Variants in LSM14A observed in about 807,000 individuals in gnomAD.
LSM14A encodes protein LSM14 homolog A.
A neutral mutation model predicts 52.4 loss-of-function variants in LSM14A; 14 were observed. The ratio of observed to expected loss-of-function variants is 0.27; its 90% confidence interval spans 0.18 to 0.42. The LOEUF (loss-of-function observed/expected upper bound fraction) is 0.42, where lower values mean the gene tolerates loss of function less well. Ranked by LOEUF, LSM14A falls within the 10% of genes least tolerant of loss-of-function variation. The pLI is 1.00. For missense variants in LSM14A, 417 were observed against 581.8 expected (o/e 0.72, Z 2.91); for synonymous variants, 185 against 200.3 (o/e 0.92, Z 0.64).
At chr19:34,209,118 G>A in intron 4 of LSM14A, 67 bp downstream of exon 4, 17 of 1,377,574 alleles carry the variant, frequency 1.2e-5, no homozygotes, top group South Asian at 3.2e-5. Context: ...CTTTCTGAAT[G>A]TAAGAGCTTT....
intron 1 of LSM14A, 33 bp from the exon 2 acceptor site, chr19:34,194,445 T>G: frequency 6.3e-7 from 1 of 1,582,576 alleles, no homozygotes; most frequent in Non-Finnish European, 8.7e-7. Flanking sequence ...TGATGAGTAG[T>G]CACACATCTC....
At chr19:34,194,861 A>G (rs973769620) in intron 2 of LSM14A, among the ~76,000 whole-genome samples, 29 of 152,226 alleles carry the variant, frequency 1.9e-4, no homozygotes, top group African/African-American at 6.5e-4. Flanking sequence ...AATATTTTCT[A>G]ATTTCAACAA....
chr19:34,176,230 T>C (rs2069081876), intron 1 of LSM14A, among the ~76,000 whole-genome samples: 1 of 152,208 alleles, frequency 6.6e-6, no homozygotes, highest in Non-Finnish European at 1.5e-5. Flanking sequence ...TTTTAAACTA[T>C]GGATTAAGAG....
At chr19:34,224,189 G>A (rs975251854) in intron 9 of LSM14A, among the ~76,000 whole-genome samples, 11 of 152,064 alleles carry the variant, frequency 7.2e-5, no homozygotes, top group Admixed American at 6.6e-4. Flanking sequence ...AAAATTAGCC[G>A]GGCGTGGTGG....
At chr19:34,210,638 T>C (rs2072070834) in intron 4 of LSM14A, among the ~76,000 whole-genome samples, 1 of 151,998 alleles carries the variant, frequency 6.6e-6, no homozygotes. Context: ...TCCTGCTCTG[T>C]CTCCCAGACT....
chr19:34,173,201 T>C (rs887730208), intron 1 of LSM14A, among the ~76,000 whole-genome samples: 23 of 152,224 alleles, frequency 1.5e-4, no homozygotes, highest in Non-Finnish European at 2.9e-4. Context: ...TTTCAATTCG[T>C]GGCGATCTTC....
intron 2 of LSM14A, among the ~76,000 whole-genome samples, 168 bp from the exon 3 acceptor site, chr19:34,196,466 A>C (rs1242538308): frequency 1.3e-5 from 2 of 152,248 alleles, no homozygotes; most frequent in Non-Finnish European, 2.9e-5. Context: ...CAGATACTGA[A>C]ATCAAAAGGT....
At chr19:34,224,380 G>A (rs771885336) in intron 9 of LSM14A, among the ~76,000 whole-genome samples, 1 of 152,212 alleles carries the variant, frequency 6.6e-6, no homozygotes, top group Non-Finnish European at 1.5e-5. Context: ...TGTGCTCCAT[G>A]TGGTTACTAA....
intron 8 of LSM14A, 127 bp downstream of exon 8, chr19:34,220,004 CTG>C (rs1231029223): frequency 1.4e-6 from 1 of 712,624 alleles, no homozygotes; most frequent in Non-Finnish European, 2.3e-6. Context: ...CAGTCTTACT[CTG>C]TTACTCAGGC....
At chr19:34,211,256 C>T (rs2145795599) in intron 4 of LSM14A, among the ~76,000 whole-genome samples, 1 of 151,666 alleles carries the variant, frequency 6.6e-6, no homozygotes, top group Non-Finnish European at 1.5e-5. Flanking sequence ...CGAGATCACG[C>T]TACTGCACTC....
chr19:34,195,044 C>G (rs535292724), intron 2 of LSM14A, among the ~76,000 whole-genome samples: 2 of 151,820 alleles, frequency 1.3e-5, no homozygotes, highest in Non-Finnish European at 2.9e-5. Context: ...TCCGTGCTAC[C>G]ATGCTATTGA....
intron 3 of LSM14A, among the ~76,000 whole-genome samples, chr19:34,198,652 A>G (rs2071047897): frequency 6.6e-6 from 1 of 151,874 alleles, no homozygotes; most frequent in African/African-American, 2.4e-5. Flanking sequence ...ATGAATATAA[A>G]CAGAAACCAC....
intron 1 of LSM14A, among the ~76,000 whole-genome samples, chr19:34,194,139 C>T (rs546433933): frequency 6.6e-6 from 1 of 152,282 alleles, no homozygotes; most frequent in East Asian, 1.9e-4. Flanking sequence ...CACCACTGCA[C>T]TCCAGCCTAG....
intron 8 of LSM14A, among the ~76,000 whole-genome samples, chr19:34,221,084 T>C (rs1599722870): frequency 1.3e-5 from 2 of 149,252 alleles, no homozygotes; most frequent in South Asian, 4.3e-4. Context: ...TAAGATGCTT[T>C]TTTTTTTTTT....
chr19:34,198,031 C>A (rs1448126500), intron 3 of LSM14A, among the ~76,000 whole-genome samples: 1 of 149,174 alleles, frequency 6.7e-6, no homozygotes, highest in South Asian at 2.1e-4. Flanking sequence ...AAAAAAAAAT[C>A]GCTTCTCAGC....
chr19:34,174,341 G>A (rs1030813671), intron 1 of LSM14A, among the ~76,000 whole-genome samples: 1 of 152,236 alleles, frequency 6.6e-6, no homozygotes. Flanking sequence ...CACCATAAAG[G>A]AGTAGTATGA....
At chr19:34,214,146 A>G (rs1422488293) in intron 4 of LSM14A, among the ~76,000 whole-genome samples, 1 of 152,132 alleles carries the variant, frequency 6.6e-6, no homozygotes, top group African/African-American at 2.4e-5. Flanking sequence ...GAGTATGGCT[A>G]CTGTGTAATT....
chr19:34,215,104 A>G lies in LSM14A; in HGVS notation c.539-20A>G, dbSNP rs776531488. 55 of 1,585,688 alleles carry G rather than the reference A, an allele frequency of 3.5e-5. No homozygotes were observed. Among genetic ancestry groups the G allele is most frequent in the Non-Finnish European group, 4.6e-5 (54 of 1,168,828 alleles). On this transcript the variant is annotated intron_variant, in intron 4 of 9. Coordinates refer to ENST00000544216, the MANE Select transcript of LSM14A (RefSeq NM_015578.4). The stretch of plus-strand genomic sequence containing the variant: ...GAAATCCCCAATAGGGTAGTTTGTT[A>G]TCTTTTGGTTACATTTTAGGTCGCT...
intron 3 of LSM14A, among the ~76,000 whole-genome samples, chr19:34,203,381 C>T (rs987292037): frequency 1.3e-5 from 2 of 152,152 alleles, no homozygotes; most frequent in African/African-American, 4.8e-5. Flanking sequence ...CTTAGGTCTC[C>T]AGTGTTTTGT....
Sources: allele counts gnomAD v4.1 joint callset (sites outside exome capture counted in the v4.1 genomes callset), GRCh38; gene constraint gnomAD v4.1.1; transcripts MANE v1.5; gene names NCBI Gene and HGNC (gene_info 2026-07-23, HGNC 2026-07-21).